BFAR: variants seen among roughly 807,000 people sequenced by gnomAD.
The protein encoded by BFAR is RING finger protein 47.
A neutral mutation model predicts 54.4 loss-of-function variants in BFAR; 52 were observed. The ratio of observed to expected loss-of-function variants is 0.96; its 90% CI spans 0.77 to 1.21. The LOEUF is 1.21. Ranked by LOEUF, BFAR falls within the 50% of genes most tolerant of loss-of-function variation. The probability of loss-of-function intolerance (pLI) is 0.00; values close to 1 mark genes in which losing one functional copy is unlikely to be tolerated. For synonymous variants in BFAR, 215 were observed against 204.3 expected (o/e 1.05, Z -0.45); for missense variants, 571 against 534.0 (o/e 1.07, Z -0.68).
At chr16:14,662,094 T>G (rs762715832) in intron 6 of BFAR, 29 bp downstream of exon 6, 3 of 1,611,666 alleles carry the variant, frequency 1.9e-6, no homozygotes, top group Non-Finnish European at 2.5e-6. Flanking sequence ...TGGAATAAAG[T>G]TATTCCACTG....
intron 5 of BFAR, 57 bp downstream of exon 5, chr16:14,655,267 T>C (rs1960096805): frequency 3.5e-6 from 4 of 1,141,868 alleles, no homozygotes; most frequent in Non-Finnish European, 4.5e-6. Context: ...TTTTTGTTAA[T>C]TTTTTTTAAT....
Position 14,661,949 on chromosome 16 carries a change from C to G in BFAR, c.841C>G (p.Leu281Val). ...LLYALKSSPR[L>V]SLLYLYLFDY... ...ATACGCCCTCAAGAGCTCCCCCAGG[C>G]TGAGTCTGCTCTACCTGTACCTGTT... The change falls in exon 6 of 8, where the codon CTG becomes GTG. Residue 281 changes from leucine to valine, a missense_variant. Leu to Val is a conservative substitution (Grantham distance 32). Coordinates refer to ENST00000261658, the MANE Select transcript of BFAR (RefSeq NM_016561.3). The G allele has an allele frequency of 6.2e-7, 1 of 1,614,154 alleles. No individual in the cohort carries two copies. Among genetic ancestry groups the G allele is most frequent in the East Asian group, 2.2e-5 (1 of 44,874 alleles).
chr16:14,644,247 A>C, intron 1 of BFAR, 27 bp from the exon 2 acceptor site: 1 of 1,258,598 alleles, frequency 7.9e-7, no homozygotes, highest in Non-Finnish European at 1.1e-6. Context: ...TATTTGCCTT[A>C]TTTTTGTCTC....
At chr16:14,667,525 A>G (rs1960474172) in intron 7 of BFAR, 110 bp from the exon 8 acceptor site, 1 of 1,014,362 alleles carries the variant, frequency 9.9e-7, no homozygotes, top group Non-Finnish European at 1.5e-6. Flanking sequence ...AAGGACATTC[A>G]GCACGGGCAG....
intron 2 of BFAR, among the ~76,000 whole-genome samples, 159 bp downstream of exon 2, chr16:14,644,768 A>G (rs1037980349): frequency 6.6e-6 from 1 of 151,760 alleles, no homozygotes; most frequent in Non-Finnish European, 1.5e-5. Context: ...CAGCCTCCCA[A>G]AGTGCTGGGA....
chr16:14,662,650 G>A (rs1431301168), intron 6 of BFAR, among the ~76,000 whole-genome samples: 1 of 152,130 alleles, frequency 6.6e-6, no homozygotes, highest in Non-Finnish European at 1.5e-5. Context: ...CTCCCAAGTA[G>A]CTGGGACTAC....
chr16:14,633,364 T>G (rs902620755), intron 1 of BFAR: 1 of 152,416 alleles, frequency 6.6e-6, no homozygotes, highest in Non-Finnish European at 1.5e-5. Context: ...CCAAACACCT[T>G]GGAGGGGAAC....
chr16:14,636,234 G>C (rs537380362), intron 1 of BFAR, among the ~76,000 whole-genome samples: 15 of 152,278 alleles, frequency 9.9e-5, no homozygotes, highest in African/African-American at 3.6e-4. Flanking sequence ...ACAAAGTATA[G>C]AGAAAGAAAT....
intron 1 of BFAR, among the ~76,000 whole-genome samples, chr16:14,640,737 T>C (rs1016861709): frequency 1.3e-5 from 2 of 152,184 alleles, no homozygotes; most frequent in Non-Finnish European, 2.9e-5. Context: ...GGCAGAAGTG[T>C]GTCGCACATT....
chr16:14,657,141 G>A (rs1229025404), intron 5 of BFAR, among the ~76,000 whole-genome samples: 1 of 152,032 alleles, frequency 6.6e-6, no homozygotes, highest in African/African-American at 2.4e-5. Context: ...TGTAATATGT[G>A]CGTGTATTAC....
At chr16:14,645,855 A>C (rs1959777423) in intron 2 of BFAR, among the ~76,000 whole-genome samples, 1 of 152,082 alleles carries the variant, frequency 6.6e-6, no homozygotes, top group Non-Finnish European at 1.5e-5. Context: ...ACACATACAC[A>C]CACATACATA....
chr16:14,654,397 A>T (rs1960061973), intron 4 of BFAR, among the ~76,000 whole-genome samples: 1 of 151,918 alleles, frequency 6.6e-6, no homozygotes, highest in African/African-American at 2.4e-5. Context: ...AATATGTGAG[A>T]GGTCAGAGCG....
chr16:14,633,252 C>T (rs1446814926), intron 1 of BFAR: 1 of 152,378 alleles, frequency 6.6e-6, no homozygotes, highest in Non-Finnish European at 1.5e-5. Context: ...GCCCCACGTC[C>T]GCACAGCCGG....
intron 1 of BFAR, among the ~76,000 whole-genome samples, chr16:14,636,286 C>T (rs560849898): frequency 2.0e-5 from 3 of 152,240 alleles, no homozygotes; most frequent in Admixed American, 6.5e-5. Flanking sequence ...TGGAGGATCC[C>T]GCCAGCCTCT....
chr16:14,666,765 C>A (rs1034649770), intron 7 of BFAR, among the ~76,000 whole-genome samples: 3 of 152,168 alleles, frequency 2.0e-5, no homozygotes, highest in Non-Finnish European at 4.4e-5. Context: ...TCCCTCATTT[C>A]TTTCCATTTA....
At chr16:14,640,037 G>T (rs1357151510) in intron 1 of BFAR, among the ~76,000 whole-genome samples, 1 of 151,828 alleles carries the variant, frequency 6.6e-6, no homozygotes, top group Non-Finnish European at 1.5e-5. Flanking sequence ...TGTAGTCCAG[G>T]CTACATAGGA....
chr16:14,645,903 C>T (rs1959779884), intron 2 of BFAR, among the ~76,000 whole-genome samples: 1 of 152,134 alleles, frequency 6.6e-6, no homozygotes, highest in Admixed American at 6.6e-5. Flanking sequence ...AAGTCTCACT[C>T]TGTCGCTCAG....
At chr16:14,647,476 C>T (rs1959835029) in intron 2 of BFAR, among the ~76,000 whole-genome samples, 1 of 151,812 alleles carries the variant, frequency 6.6e-6, no homozygotes, top group African/African-American at 2.4e-5. Context: ...GCAGGCGGAT[C>T]TCATGAGGCC....
intron 6 of BFAR, among the ~76,000 whole-genome samples, chr16:14,663,477 G>A (rs182515398): frequency 2.4e-4 from 36 of 151,972 alleles, no homozygotes; most frequent in Non-Finnish European, 5.2e-4. Flanking sequence ...GACTACAGGC[G>A]CCCGCCACCA....
Sources: gnomAD v4.1 joint callset for allele counts (sites outside exome capture counted in the v4.1 genomes callset) on GRCh38, gnomAD v4.1.1 for gene constraint, MANE v1.5 for transcripts, NCBI Gene and HGNC (gene_info 2026-07-23, HGNC 2026-07-21) for gene names.